DTNBP1: variants seen among roughly 807,000 people sequenced by gnomAD.
The protein encoded by DTNBP1 is dysbindin.
In DTNBP1, 35 loss-of-function variants were observed where a neutral mutation model predicts 42.8. The observed-to-expected ratio is 0.82, with a 90% CI of 0.63 to 1.09. DTNBP1 has a LOEUF of 1.09. DTNBP1 is among the 50% of genes least tolerant of loss of function. The pLI is 0.00. For missense variants in DTNBP1, 457 were observed against 424.2 expected (o/e 1.08, Z -0.68); for synonymous variants, 171 against 162.2 (o/e 1.05, Z -0.41).
chr6:15,561,521 G>A (rs1162621317), intron 7 of DTNBP1, among the ~76,000 whole-genome samples: 4 of 152,136 alleles, frequency 2.6e-5, no homozygotes, highest in Admixed American at 6.5e-5. Context: ...TCTCTCTACC[G>A]TGAATACAAG....
At chr6:15,532,900 T>C (rs918851334) in intron 8 of DTNBP1, among the ~76,000 whole-genome samples, 2 of 151,994 alleles carry the variant, frequency 1.3e-5, no homozygotes, top group Non-Finnish European at 2.9e-5. Context: ...GGTTTCACCA[T>C]GTTGGCCAGG....
chr6:15,581,769 G>A (rs1463832083), intron 7 of DTNBP1, among the ~76,000 whole-genome samples: 2 of 152,150 alleles, frequency 1.3e-5, no homozygotes, highest in East Asian at 1.9e-4. Context: ...ATGAGCCATC[G>A]CGCCCAGGCA....
intron 6 of DTNBP1, among the ~76,000 whole-genome samples, chr6:15,613,350 G>A (rs1162862826): frequency 1.7e-5 from 2 of 120,064 alleles, no homozygotes; most frequent in Admixed American, 8.8e-5. Flanking sequence ...TTTTTGACAC[G>A]GACCCCATTT....
At chr6:15,554,170 C>T (rs547719668) in intron 7 of DTNBP1, among the ~76,000 whole-genome samples, 18 of 152,320 alleles carry the variant, frequency 1.2e-4, no homozygotes, top group African/African-American at 3.8e-4. Context: ...AAGTTTCTGT[C>T]GCTTTGGGTC....
chr6:15,523,015 C>CT lies in DTNBP1; in HGVS notation c.1015dup (p.Arg339LysfsTer9), dbSNP rs1297200450. ...CTCACCACCATCCGGAGTGGCCTCT[C>CT]TGTCAGTGTGTGATGTGGCCAGGGC... On this transcript the variant is annotated frameshift_variant, in exon 10 of 10. Coordinates refer to ENST00000344537, the MANE Select transcript of DTNBP1 (RefSeq NM_032122.5). LOFTEE classifies it high-confidence loss of function. The CT allele has an allele frequency of 6.2e-7, 1 of 1,614,194 alleles. No individual in the cohort carries two copies. Among genetic ancestry groups the CT allele is most frequent in the East Asian group, 2.2e-5 (1 of 44,886 alleles).
At chr6:15,594,417 A>G (rs1476670513) in intron 6 of DTNBP1, among the ~76,000 whole-genome samples, 1 of 151,354 alleles carries the variant, frequency 6.6e-6, no homozygotes, top group Non-Finnish European at 1.5e-5. Flanking sequence ...ACAAGCCAAG[A>G]TCGTACCACT....
intron 7 of DTNBP1, among the ~76,000 whole-genome samples, chr6:15,540,021 C>A (rs1221202104): frequency 6.6e-6 from 1 of 152,150 alleles, no homozygotes; most frequent in Non-Finnish European, 1.5e-5. Flanking sequence ...AATATTAATA[C>A]CAGCATTATT....
chr6:15,532,719 T>TG (rs1491242162), intron 8 of DTNBP1, among the ~76,000 whole-genome samples: 5 of 145,190 alleles, frequency 3.4e-5, no homozygotes, highest in Non-Finnish European at 7.5e-5. Flanking sequence ...TTTTTTTTTT[T>TG]GAGACAGTCT....
chr6:15,523,516 G>C, intron 9 of DTNBP1: 1 of 1,275,578 alleles, frequency 7.8e-7, no homozygotes, highest in South Asian at 1.5e-5. Flanking sequence ...GGCAAGTGCT[G>C]CCTATCTTTG....
intron 7 of DTNBP1, among the ~76,000 whole-genome samples, chr6:15,592,724 G>C (rs1193753083): frequency 6.6e-6 from 1 of 152,178 alleles, no homozygotes; most frequent in Non-Finnish European, 1.5e-5. Flanking sequence ...GGCACCTCTT[G>C]ATCTTTGTCA....
At chr6:15,642,409 C>T (rs1194789018) in intron 3 of DTNBP1, among the ~76,000 whole-genome samples, 1 of 152,212 alleles carries the variant, frequency 6.6e-6, no homozygotes, top group African/African-American at 2.4e-5. Context: ...TCAGCACACC[C>T]CACAGGATCT....
intron 5 of DTNBP1, among the ~76,000 whole-genome samples, chr6:15,619,436 C>T (rs1178069712): frequency 6.6e-6 from 1 of 152,050 alleles, no homozygotes; most frequent in Non-Finnish European, 1.5e-5. Context: ...GCAGAACATA[C>T]ATGATAAAGG....
At chr6:15,541,540 T>C (rs1377657392) in intron 7 of DTNBP1, among the ~76,000 whole-genome samples, 3 of 152,054 alleles carry the variant, frequency 2.0e-5, no homozygotes, top group Non-Finnish European at 4.4e-5. Context: ...AGAAAAAAAA[T>C]CAAAACAAGA....
intron 6 of DTNBP1, chr6:15,614,984 T>C: frequency 2.0e-6 from 1 of 497,386 alleles, no homozygotes; most frequent in South Asian, 1.7e-5. Flanking sequence ...TGGAGAAAAC[T>C]AGCTCAGGGC....
At chr6:15,543,785 T>TTA (rs1773716420) in intron 7 of DTNBP1, among the ~76,000 whole-genome samples, 2 of 152,176 alleles carry the variant, frequency 1.3e-5, no homozygotes, top group Non-Finnish European at 2.9e-5. Flanking sequence ...TAACTGTCCT[T>TTA]TCCACCAAAA....
chr6:15,653,138 GA>G (rs1452884117), intron 1 of DTNBP1, among the ~76,000 whole-genome samples: 8 of 152,170 alleles, frequency 5.3e-5, no homozygotes, highest in African/African-American at 1.9e-4. Context: ...CACAGTATTT[GA>G]AATTTTAGTT....
At chr6:15,599,798 T>C (rs1776656265) in intron 6 of DTNBP1, among the ~76,000 whole-genome samples, 1 of 152,186 alleles carries the variant, frequency 6.6e-6, no homozygotes, top group South Asian at 2.1e-4. Flanking sequence ...GCTAAAAATC[T>C]TTATTACAAA....
At chr6:15,621,228 A>G (rs1244397083) in intron 5 of DTNBP1, among the ~76,000 whole-genome samples, 1 of 152,256 alleles carries the variant, frequency 6.6e-6, no homozygotes, top group Non-Finnish European at 1.5e-5. Flanking sequence ...AAACTATGTA[A>G]TGGAGCCAAC....
rs191980711 is a variant in DTNBP1, at chr6:15,612,420, A to G, written c.488+2847T>C. ...AGTGGACTGGAACAGAATCCACAAT[A>G]TCTTTGAGGTATTGCTATCATATGT... On this transcript the variant is annotated intron_variant, in intron 6 of 9. Coordinates refer to ENST00000344537, the MANE Select transcript of DTNBP1 (RefSeq NM_032122.5). Among the ~76,000 whole-genome samples, 375 of 152,346 alleles carry G rather than the reference A, an allele frequency of 2.5e-3. 1 individual carries two copies. Among genetic ancestry groups the G allele is most frequent in the Non-Finnish European group, 3.8e-3 (256 of 68,030 alleles).
Sources: allele counts gnomAD v4.1 joint callset (sites outside exome capture counted in the v4.1 genomes callset), GRCh38; gene constraint gnomAD v4.1.1; transcripts MANE v1.5; gene names NCBI Gene and HGNC (gene_info 2026-07-23, HGNC 2026-07-21).